Variants in NEB observed in about 807,000 individuals in gnomAD.
NEB encodes the protein nemaline myopathy type 2.
A neutral mutation model predicts 952.2 loss-of-function variants in NEB; 512 were observed. That is an observed-to-expected ratio of 0.54 (90% CI 0.50 to 0.58). The LOEUF (loss-of-function observed/expected upper bound fraction) is 0.58. NEB is among the 20% of genes least tolerant of loss of function. The pLI is 0.00. For missense variants in NEB, 8,428 were observed against 9,231.1 expected (o/e 0.91, Z 3.56); for synonymous variants, 2,900 against 3,149.8 (o/e 0.92, Z 2.66).
intron 68 of NEB, 78 bp downstream of exon 68, chr2:151,629,461 C>T: frequency 1.7e-6 from 2 of 1,188,312 alleles, no homozygotes; most frequent in Non-Finnish European, 2.5e-6. Flanking sequence ...TTAAACTGGC[C>T]CCCAAATGTT....
At chr2:151,575,660 T>C (rs2096802361) in intron 107 of NEB, 35 bp downstream of exon 107, 5 of 1,443,926 alleles carry the variant, frequency 3.5e-6, no homozygotes, top group Non-Finnish European at 4.9e-6. Context: ...CTGGGTAACT[T>C]TCCAAACAAA....
intron 128 of NEB, 49 bp downstream of exon 128, chr2:151,552,623 G>A (rs768675665): frequency 7.4e-7 from 1 of 1,350,384 alleles, no homozygotes; most frequent in Non-Finnish European, 1.1e-6. Flanking sequence ...TGCTTGAGTG[G>A]TGGCCCTGCT....
At chr2:151,537,070 A>T (rs2093323008) in intron 141 of NEB, 62 bp downstream of exon 141, 2 of 1,032,884 alleles carry the variant, frequency 1.9e-6, no homozygotes, top group Non-Finnish European at 3.0e-6. Flanking sequence ...CTCAGTGCTA[A>T]TTCTCTCTGG....
At chr2:151,629,218 T>A (rs1277927175) in intron 68 of NEB, among the ~76,000 whole-genome samples, 1 of 152,140 alleles carries the variant, frequency 6.6e-6, no homozygotes, top group Non-Finnish European at 1.5e-5. Context: ...CATTTTCTAT[T>A]TTCTGTGAGG....
intron 10 of NEB, among the ~76,000 whole-genome samples, chr2:151,711,794 G>A (rs1305696230): frequency 3.3e-5 from 5 of 152,100 alleles, no homozygotes; most frequent in East Asian, 3.8e-4. Context: ...TATAAAAATT[G>A]TAATAATAAT....
chr2:151,677,509 A>G, intron 34 of NEB, 56 bp downstream of exon 34: 1 of 1,334,358 alleles, frequency 7.5e-7, no homozygotes, highest in Admixed American at 2.4e-5. Context: ...GCTGCTGTTT[A>G]CTTTTCTAAA....
chr2:151,505,605 T>C (rs753750022), intron 164 of NEB, 35 bp from the exon 165 acceptor site: 2 of 1,512,504 alleles, frequency 1.3e-6, no homozygotes, highest in South Asian at 2.2e-5. Context: ...AAAGGTATTA[T>C]TACATGCTGG....
chr2:151,627,255 G>A, intron 69 of NEB, 50 bp from the exon 70 acceptor site: 5 of 1,560,162 alleles, frequency 3.2e-6, no homozygotes, highest in Non-Finnish European at 4.3e-6. Flanking sequence ...GTTTTAACAT[G>A]ATTTCAAAAA....
intron 124 of NEB, among the ~76,000 whole-genome samples, chr2:151,556,191 G>A (rs2095639823): frequency 6.6e-6 from 1 of 152,190 alleles, no homozygotes; most frequent in South Asian, 2.1e-4. Context: ...ACTGTCTAAT[G>A]AAGTTTATTT....
Position 151,627,821 on chromosome 2 carries a change from T to C in NEB, c.9845A>G (p.Asp3282Gly), listed in dbSNP as rs576094056. The C allele has an allele frequency of 4.3e-6, 7 of 1,613,742 alleles. No individual in the cohort carries two copies. The Admixed American group carries it at 1.2e-4, about 27-fold the overall frequency. The change falls in exon 69 of 182, where the codon GAT becomes GGT. Residue 3282 changes from aspartate (D) to glycine (G), a missense_variant. Coordinates refer to ENST00000397345, the MANE Select transcript of NEB (RefSeq NM_001164508.2). Reference sequence around the variant, plus strand: ...GTGGCCGAGCTGCTTGCGGTAACCATCTTTGTATTTGTACTGAAATAAAGG... The same window carrying C: ...GTGGCCGAGCTGCTTGCGGTAACCACCTTTGTATTTGTACTGAAATAAAGG... Reference protein sequence around the residue: ...RDVISDYKYKDGYRKQLGHHI... With the variant: ...RDVISDYKYKGGYRKQLGHHI...
chr2:151,682,866 T>A, intron 28 of NEB, 97 bp from the exon 29 acceptor site: 1 of 1,050,184 alleles, frequency 9.5e-7, no homozygotes, highest in Non-Finnish European at 1.4e-6. Context: ...TTGAGATTTC[T>A]GACCAGCTTC....
intron 10 of NEB, among the ~76,000 whole-genome samples, chr2:151,712,400 T>G (rs1053036764): frequency 6.6e-6 from 1 of 152,184 alleles, no homozygotes; most frequent in African/African-American, 2.4e-5. Context: ...CAGTGAGAGA[T>G]AGATGTCTGG....
At chr2:151,618,794 C>T (rs1417441670) in intron 73 of NEB, among the ~76,000 whole-genome samples, 1 of 152,122 alleles carries the variant, frequency 6.6e-6, no homozygotes, top group Non-Finnish European at 1.5e-5. Flanking sequence ...AGTCTAATAG[C>T]TCCAAATAAA....
Position 151,537,122 on chromosome 2 carries a change from G to GT in NEB, c.21207+9dup. 6.4e-7 allele frequency: 1 copy of GT among 1,559,404 alleles called. No individual in the cohort carries two copies. The highest frequency in any genetic ancestry group is 8.8e-7 in the Non-Finnish European group (1 of 1,130,958). On this transcript the variant is annotated intron_variant, in intron 141 of 181. Coordinates refer to ENST00000397345, the MANE Select transcript of NEB (RefSeq NM_001164508.2). ...AATGGATGAGGCCAATTCTCCTTGA[G>GT]TATATATACCTTGCTGTAGAGAGTC...
chr2:151,725,656 T>C (rs2099788353), intron 5 of NEB, 96 bp from the exon 6 acceptor site: 43 of 969,648 alleles, frequency 4.4e-5, no homozygotes, highest in Non-Finnish European at 9.7e-6. Context: ...CTTCAAGTTA[T>C]AGCAATTATC....
chr2:151,686,563 T>C (rs940664751), intron 27 of NEB, among the ~76,000 whole-genome samples: 8 of 152,146 alleles, frequency 5.3e-5, no homozygotes, highest in Non-Finnish European at 1.2e-4. Flanking sequence ...AATTACAGAA[T>C]TAGAAGTTTT....
chr2:151,644,902 A>G (rs2098934199), intron 55 of NEB, among the ~76,000 whole-genome samples: 1 of 152,150 alleles, frequency 6.6e-6, no homozygotes, highest in Non-Finnish European at 1.5e-5. Flanking sequence ...GCAATCCTAG[A>G]TGGTACGGCC....
intron 124 of NEB, among the ~76,000 whole-genome samples, chr2:151,559,899 C>T (rs1171321734): frequency 1.3e-5 from 2 of 152,100 alleles, no homozygotes; most frequent in African/African-American, 4.8e-5. Flanking sequence ...TGTAATAAAC[C>T]TCCACGTTCT....
rs753064438 is a variant in NEB, at chr2:151,656,413, G to A, written c.6235C>T (p.Arg2079Cys). Reference sequence around the variant, plus strand: ...AATTTGGGATCATCCTCGAGACTGCGGAAACCAACCATTTTCCCCTTCCCT... The same window carrying A: ...AATTTGGGATCATCCTCGAGACTGCAGAAACCAACCATTTTCCCCTTCCCT... ...EKGKGKMVGF[R>C]SLEDDPKLVH... Residue 2079 changes from arginine to cysteine, a missense_variant, in exon 49 of 182, where the codon CGC becomes TGC. Physicochemically the swap from Arg to Cys is radical, Grantham distance 180. This residue lies in a region of NEB where 2,851 missense variants were observed against 2,791.5 expected (regional missense o/e 1.02). Transcript: ENST00000397345. The A allele has an allele frequency of 1.7e-5, 28 of 1,612,840 alleles. No homozygotes were observed. Among genetic ancestry groups the A allele is most frequent in the South Asian group, 1.4e-4 (13 of 90,954 alleles).
Sources: gnomAD v4.1 joint callset for allele counts (sites outside exome capture counted in the v4.1 genomes callset) on GRCh38, gnomAD v4.1.1 for gene constraint, gnomAD v4.1.1 regional missense constraint, MANE v1.5 for transcripts, NCBI Gene and HGNC (gene_info 2026-07-23, HGNC 2026-07-21) for gene names.